COL18A1: variants seen among roughly 807,000 people sequenced by gnomAD.
COL18A1 encodes collagen type XVIII alpha 1 chain.
In COL18A1, 133 loss-of-function variants were observed where a neutral mutation model predicts 168.0. The observed-to-expected ratio is 0.79, with a 90% CI of 0.69 to 0.91. COL18A1 has a LOEUF of 0.91. Ranked by LOEUF, COL18A1 falls within the 40% of genes least tolerant of loss-of-function variation. COL18A1 has a pLI of 0.00. For missense variants in COL18A1, 2,126 were observed against 1,925.4 expected (o/e 1.10, Z -1.95); for synonymous variants, 949 against 809.0 (o/e 1.17, Z -2.94).
chr21:45,411,770 G>C (rs957920923), intron 2 of COL18A1, among the ~76,000 whole-genome samples: 2 of 136,728 alleles, frequency 1.5e-5, no homozygotes, highest in African/African-American at 5.2e-5. Context: ...GGGGGGTGGG[G>C]GGGGGGCAGG....
At chr21:45,458,778 C>T (rs1342736189) in intron 2 of COL18A1, among the ~76,000 whole-genome samples, 2 of 152,206 alleles carry the variant, frequency 1.3e-5, no homozygotes, top group East Asian at 1.9e-4. Flanking sequence ...GGAGGGGAAA[C>T]GCCAGGCCTG....
intron 13 of COL18A1, 125 bp from the exon 14 acceptor site, chr21:45,481,838 G>T (rs2035907156): frequency 1.3e-6 from 1 of 750,496 alleles, no homozygotes; most frequent in Non-Finnish European, 2.4e-6. Context: ...CTCTGGCCCT[G>T]TGTCTGGGGA....
rs1602568626 is a variant in COL18A1 at position 45,498,589 on chromosome 21, T to C, written c.2683+928T>C. The C allele has an allele frequency of 1.4e-6, 1 of 715,850 alleles. No individual in the cohort carries two copies. The highest frequency in any genetic ancestry group is 1.7e-5 in the African/African-American group (1 of 57,144). 44.3% of individuals were successfully genotyped at this position (715,850 alleles called of 1,614,324 possible). A position where few individuals can be genotyped will look rare whatever the true frequency, so the allele number is the denominator to read the frequency against. On this transcript the variant is annotated intron_variant, in intron 32 of 41. Coordinates refer to ENST00000651438, the MANE Select transcript of COL18A1 (RefSeq NM_001379500.1). The surrounding 1 kb of genome is among the most constrained non-coding windows in gnomAD (Gnocchi z 4.5). ...AGGGACCAGGCAGGCAGAGGCCGAG[T>C]CTGGGCCGGGACATCCTTAAGGCCT...
chr21:45,508,372 GGATGGATGGTGGGCA>G lies in COL18A1; in HGVS notation c.3249+792_3249+806del, dbSNP rs1443179653. Among the ~76,000 whole-genome samples, 19 of 151,522 alleles carry G rather than the reference GGATGGATGGTGGGCA, an allele frequency of 1.3e-4. No individual in the cohort carries two copies. The East Asian group carries it at 3.5e-3, about 28-fold the overall frequency. The stretch of plus-strand genomic sequence containing the variant: ...TGGACAAGTGGGTGAGTGGATGGGT[GGATGGATGGTGGGCA>G]GATGGATGGTGGATAGGTAGATGAG... On this transcript the variant is annotated intron_variant, in intron 38 of 41. Transcript: ENST00000651438.
rs1000074584 is a variant in COL18A1, at chr21:45,443,531, T to G, written c.107-24711T>G. The stretch of plus-strand genomic sequence containing the variant: ...CTAGGAGCCTCGGCCAAGGGCTCCC[T>G]CCTTGCACTGTGGTCTCTCGGGACC... On this transcript the variant is annotated intron_variant, in intron 2 of 41. Transcript: ENST00000651438. This position sits in a 1 kb window ranked among gnomAD's most constrained non-coding sequence, Gnocchi z 5.2. Among the ~76,000 whole-genome samples, 1 of 152,078 alleles carries G rather than the reference T, an allele frequency of 6.6e-6. No individual in the cohort carries two copies. Among genetic ancestry groups the G allele is most frequent in the Non-Finnish European group, 1.5e-5 (1 of 67,980 alleles).
intron 32 of COL18A1, among the ~76,000 whole-genome samples, chr21:45,500,284 G>GGA (rs1691533769): frequency 2.1e-5 from 1 of 47,542 alleles, no homozygotes; most frequent in Non-Finnish European, 4.0e-5. Flanking sequence ...GTGTAGTGGG[G>GGA]GTGTGTGGAG....
chr21:45,469,228 C>T (rs1280011593), intron 3 of COL18A1, among the ~76,000 whole-genome samples: 2 of 152,206 alleles, frequency 1.3e-5, no homozygotes, highest in Non-Finnish European at 1.5e-5. Flanking sequence ...ACCGGCCGGT[C>T]GGGTAAGTGG....
rs1347761393 is a variant in COL18A1 at position 45,468,351 on chromosome 21, A to C, written c.216A>C (p.Pro72=). The C allele has an allele frequency of 6.2e-7, 1 of 1,613,652 alleles. No individual in the cohort carries two copies. The highest frequency in any genetic ancestry group is 8.5e-7 in the Non-Finnish European group (1 of 1,180,050). Residue 72 remains proline, a synonymous_variant, in exon 3 of 42, where the codon CCA becomes CCC. Coordinates refer to ENST00000651438, the MANE Select transcript of COL18A1 (RefSeq NM_001379500.1). ...TCGGGCTGGCCTACGTCTTTGGGCC[A>C]GATGCCAACAGTGGCCAAGTGGCCC... The part of the protein sequence containing the change: ...PDVGLAYVFG[P]DANSGQVARY...
intron 38 of COL18A1, 44 bp from the exon 39 acceptor site, chr21:45,509,312 C>T (rs765390635): frequency 1.6e-5 from 24 of 1,536,288 alleles, no homozygotes; most frequent in Middle Eastern, 2.3e-4. Context: ...GAGGGGCACC[C>T]GGAGGGTCCC....
Position 45,505,127 on chromosome 21 carries a change from TC to T in COL18A1, c.2869-5del. The T allele has an allele frequency of 6.2e-7, 1 of 1,607,742 alleles. No homozygotes were observed. Among genetic ancestry groups the T allele is most frequent in the Non-Finnish European group, 8.5e-7 (1 of 1,178,500 alleles). Reference sequence around the variant, plus strand: ...AACCAGGAAGCGTCTCTTGTCGCCGTCCGTAGGGTCCCAAGGGAGAGAGCAT... The same window carrying T: ...AACCAGGAAGCGTCTCTTGTCGCCGTCGTAGGGTCCCAAGGGAGAGAGCAT... On this transcript the variant is annotated splice_region_variant and splice_polypyrimidine_tract_variant and intron_variant, in intron 34 of 41. Transcript: ENST00000651438.
chr21:45,457,335 T>C lies in COL18A1; in HGVS notation c.107-10907T>C, dbSNP rs1459542567. Among the ~76,000 whole-genome samples, 1 of 152,144 alleles carries C rather than the reference T, an allele frequency of 6.6e-6. No homozygotes were observed. Among genetic ancestry groups the C allele is most frequent in the East Asian group, 1.9e-4 (1 of 5,182 alleles). On this transcript the variant is annotated intron_variant, in intron 2 of 41. Transcript: ENST00000651438. The surrounding 1 kb of genome is among the most constrained non-coding windows in gnomAD (Gnocchi z 4.6). Reference sequence around the variant, plus strand: ...GCGCTTCCTGGGAGCCCCAGCGTGCTCGGGCCAAGGGTGCTGCCGCGTGGG... The same window carrying C: ...GCGCTTCCTGGGAGCCCCAGCGTGCCCGGGCCAAGGGTGCTGCCGCGTGGG...
chr21:45,490,893 G>A (rs983648147), intron 21 of COL18A1, 22 bp downstream of exon 21: 15 of 1,547,640 alleles, frequency 9.7e-6, no homozygotes, highest in Non-Finnish European at 3.5e-6. Context: ...TGGGGCGGGT[G>A]GATGGGGATG....
intron 2 of COL18A1, among the ~76,000 whole-genome samples, chr21:45,439,206 T>C (rs2034300209): frequency 6.6e-6 from 1 of 152,260 alleles, no homozygotes; most frequent in South Asian, 2.1e-4. Flanking sequence ...TCCTTGGTCA[T>C]TTCCGCAACA....
At chr21:45,483,932 GCA>G (rs748632916) in intron 15 of COL18A1, among the ~76,000 whole-genome samples, 5 of 53,382 alleles carry the variant, frequency 9.4e-5, no homozygotes, top group South Asian at 6.1e-4. Flanking sequence ...ATGTACACAT[GCA>G]CACACACCTC....
chr21:45,468,856 G>A, intron 3 of COL18A1, 70 bp downstream of exon 3: 2 of 1,412,338 alleles, frequency 1.4e-6, no homozygotes, highest in Non-Finnish European at 1.9e-6. Context: ...GTGGCCACTG[G>A]GACAGGGACG....
In COL18A1 at chr21:45,425,571, T is replaced by C. The variant is rs573251914; in HGVS notation, c.106+20098T>C. ...CAGCTACCTCCCGTGGGCTGCCCTG[T>C]GAGGTGTGGAGCTGGGCTGCAGACT... On this transcript the variant is annotated intron_variant, in intron 2 of 41. Coordinates refer to ENST00000651438, the MANE Select transcript of COL18A1 (RefSeq NM_001379500.1). The surrounding 1 kb of genome is among the most constrained non-coding windows in gnomAD (Gnocchi z 4.1). Among the ~76,000 whole-genome samples the C allele has an allele frequency of 5.9e-5, 9 of 152,162 alleles. No individual in the cohort carries two copies. The East Asian group carries it at 1.7e-3, about 29-fold the overall frequency.
chr21:45,495,614 G>C (rs62214267), intron 29 of COL18A1, 182 bp downstream of exon 29: 13 of 560,370 alleles, frequency 2.3e-5, no homozygotes, highest in Non-Finnish European at 4.0e-5. Context: ...ACACGCACAC[G>C]TGTGCCCAAA....
At chr21:45,493,812 G>C in intron 26 of COL18A1, 1 of 559,610 alleles carries the variant, frequency 1.8e-6, no homozygotes, top group Non-Finnish European at 3.2e-6. Context: ...AGCCCACCCT[G>C]CTGAGGGGAG....
chr21:45,497,607 G>A lies in COL18A1; in HGVS notation c.2629G>A (p.Gly877Ser). The change falls in exon 32 of 42, where the codon GGC becomes AGC. Residue 877 changes from glycine to serine, a missense_variant. Physicochemically the swap from Gly to Ser is moderately conservative, Grantham distance 56. Coordinates refer to ENST00000651438, the MANE Select transcript of COL18A1 (RefSeq NM_001379500.1). ...GGTCTCTCTTCCTCCAGGGAATCAG[G>A]GCCCTCCAGGACCCAAGGGCGCCAA... ...PGPPGLPGNQGPPGPKGAKGE... is the reference protein window; with the variant it reads ...PGPPGLPGNQSPPGPKGAKGE... 4 of 1,563,052 alleles carry A rather than the reference G, an allele frequency of 2.6e-6. No individual in the cohort carries two copies. Among genetic ancestry groups the A allele is most frequent in the Non-Finnish European group, 3.5e-6 (4 of 1,154,142 alleles).
Sources: allele counts gnomAD v4.1 joint callset (sites outside exome capture counted in the v4.1 genomes callset), GRCh38; gene constraint gnomAD v4.1.1; non-coding constraint Gnocchi (gnomAD v3.1); transcripts MANE v1.5; gene names NCBI Gene and HGNC (gene_info 2026-07-23, HGNC 2026-07-21).